The following GBE1 variants were observed in gnomAD, a reference collection of about 807,000 sequenced individuals.
GBE1 encodes 1,4-alpha-glucan branching enzyme 1.
A neutral mutation model predicts 88.8 loss-of-function variants in GBE1; 70 were observed. That is an observed-to-expected ratio of 0.79 (90% CI 0.65 to 0.96). The LOEUF (loss-of-function observed/expected upper bound fraction) is 0.96. Among genes scored for constraint, GBE1 ranks in the 40% least tolerant of loss-of-function variants. GBE1 has a pLI of 0.00. For synonymous variants in GBE1, 284 were observed against 300.1 expected (o/e 0.95, Z 0.56); for missense variants, 872 against 871.0 (o/e 1.00, Z -0.01).
intron 15 of GBE1, 100 bp downstream of exon 15, chr3:81,499,010 C>T: frequency 5.7e-6 from 4 of 707,262 alleles, no homozygotes; most frequent in Admixed American, 2.6e-5. Context: ...TGCTTTTTTT[C>T]CATGTTGCTT....
intron 7 of GBE1, among the ~76,000 whole-genome samples, chr3:81,601,244 G>T (rs1704029237): frequency 6.6e-6 from 1 of 152,062 alleles, no homozygotes; most frequent in African/African-American, 2.4e-5. Context: ...GCTGTGAAAT[G>T]ATATTTTATG....
intron 6 of GBE1, among the ~76,000 whole-genome samples, chr3:81,645,143 T>G (rs527510126): frequency 4.6e-5 from 7 of 152,310 alleles, no homozygotes; most frequent in Middle Eastern, 6.8e-3. Flanking sequence ...AGTTAACATA[T>G]AGCATATATT....
In GBE1 at chr3:81,537,634, C is replaced by T. The variant is rs139831008; in HGVS notation, c.1619-539G>A. On this transcript the variant is annotated intron_variant, in intron 12 of 15. Transcript: ENST00000429644. ...AAGCAACCATTAAAATTGAGTTCCT[C>T]TCATTAAAATCCAGTTTTTCCTACC... Among the ~76,000 whole-genome samples the T allele has an allele frequency of 8.4e-3, 1,285 of 152,124 alleles. 11 individuals carry two copies. The highest frequency in any genetic ancestry group is 0.014 in the Non-Finnish European group (939 of 67,966).
At chr3:81,705,316 T>C (rs1229904150) in intron 2 of GBE1, 128 bp downstream of exon 2, 1 of 675,100 alleles carries the variant, frequency 1.5e-6, no homozygotes, top group Non-Finnish European at 2.3e-6. Flanking sequence ...TAAGGCTCTA[T>C]CTGAAAAGTC....
intron 12 of GBE1, among the ~76,000 whole-genome samples, chr3:81,558,256 T>TA (rs1703374079): frequency 6.6e-6 from 1 of 152,018 alleles, no homozygotes; most frequent in Non-Finnish European, 1.5e-5. Context: ...AAATGAGTAT[T>TA]AAAATCATGG....
intron 14 of GBE1, among the ~76,000 whole-genome samples, chr3:81,525,585 T>C (rs1234452498): frequency 1.3e-5 from 2 of 152,124 alleles, no homozygotes; most frequent in Non-Finnish European, 2.9e-5. Context: ...TGTTATTGAT[T>C]GGAATAGTTT....
At chr3:81,664,207 T>C (rs1321066906) in intron 3 of GBE1, among the ~76,000 whole-genome samples, 2 of 152,132 alleles carry the variant, frequency 1.3e-5, no homozygotes, top group Non-Finnish European at 2.9e-5. Context: ...GTACTCTTTT[T>C]ATGAAAAATA....
intron 1 of GBE1, among the ~76,000 whole-genome samples, chr3:81,745,816 T>C (rs568649881): frequency 1.3e-3 from 191 of 152,248 alleles, no homozygotes; most frequent in African/African-American, 4.3e-3. Context: ...ATATTATTCA[T>C]AAATTTTCTA....
Position 81,749,230 on chromosome 3 carries a change from T to C in GBE1, c.143+12145A>G, listed in dbSNP as rs1019809581. ...TCAACAGGTTAATAAACAAACTGGA[T>C]GGATGGTACATCCATACAATGGAAT... On this transcript the variant is annotated intron_variant, in intron 1 of 15. Transcript: ENST00000429644. Among the ~76,000 whole-genome samples, 3 of 151,918 alleles carry C rather than the reference T, an allele frequency of 2.0e-5. No homozygotes were observed. In the East Asian group the frequency reaches 5.8e-4, roughly 29 times the overall value.
chr3:81,675,871 C>A (rs1422158971), intron 2 of GBE1, among the ~76,000 whole-genome samples: 1 of 151,964 alleles, frequency 6.6e-6, no homozygotes, highest in African/African-American at 2.4e-5. Flanking sequence ...TGATACAGTT[C>A]TCTGTTTTAA....
chr3:81,646,568 C>T, intron 5 of GBE1, 86 bp from the exon 6 acceptor site: 1 of 730,786 alleles, frequency 1.4e-6, no homozygotes. Flanking sequence ...ATTCCAAATA[C>T]ATTAAAATTT....
At chr3:81,554,480 A>C (rs1703319993) in intron 12 of GBE1, among the ~76,000 whole-genome samples, 1 of 152,212 alleles carries the variant, frequency 6.6e-6, no homozygotes. Context: ...TTAGTAGTGA[A>C]GACAGACTGT....
intron 13 of GBE1, among the ~76,000 whole-genome samples, chr3:81,536,324 GC>G (rs1412569245): frequency 6.6e-6 from 1 of 151,714 alleles, no homozygotes; most frequent in African/African-American, 2.4e-5. Context: ...GTTAACTTTT[GC>G]CAGGAAAAAA....
intron 7 of GBE1, among the ~76,000 whole-genome samples, chr3:81,604,284 T>C (rs1704073891): frequency 9.9e-6 from 1 of 101,442 alleles, no homozygotes; most frequent in East Asian, 4.6e-4. Context: ...TTTTCTTTCT[T>C]TCTTTTTTTT....
chr3:81,531,693 T>G (rs2106864245), intron 14 of GBE1, among the ~76,000 whole-genome samples: 1 of 152,122 alleles, frequency 6.6e-6, no homozygotes, highest in Admixed American at 6.5e-5. Flanking sequence ...GCTGAGCTGG[T>G]ATCCGAGTTA....
At chr3:81,747,895 G>A (rs987521286) in intron 1 of GBE1, among the ~76,000 whole-genome samples, 1 of 151,836 alleles carries the variant, frequency 6.6e-6, no homozygotes, top group Non-Finnish European at 1.5e-5. Flanking sequence ...CTCTCTTTTC[G>A]GACTCAGCCC....
chr3:81,707,274 T>C (rs1344271212), intron 1 of GBE1, among the ~76,000 whole-genome samples: 3 of 151,852 alleles, frequency 2.0e-5, no homozygotes, highest in Non-Finnish European at 2.9e-5. Flanking sequence ...TAAAGCCAAC[T>C]CCACACAATT....
chr3:81,706,043 T>C (rs1249048903), intron 1 of GBE1, among the ~76,000 whole-genome samples: 2 of 152,138 alleles, frequency 1.3e-5, no homozygotes, highest in Non-Finnish European at 2.9e-5. Flanking sequence ...TGGCAAACTT[T>C]TCCTGTAAAG....
rs201029706 is a variant in GBE1, at chr3:81,536,926, C to T, written c.1788G>A (p.Trp596Ter). ...AAGAGCTTACCTGTGGAGCTGCAAGCCAACCATATCTTTCTTCCAATCTAT... is the reference window on the plus strand; with the variant it reads ...AAGAGCTTACCTGTGGAGCTGCAAGTCAACCATATCTTTCTTCCAATCTAT... ...DMNRLEERYG[W>*]LAAPQAYVSE... is the part of the protein sequence containing the mutation. Residue 596 changes from tryptophan (W) to a stop codon, truncating the protein, a stop_gained, in exon 13 of 16, where the codon TGG (tryptophan) becomes TGA (stop). Transcript: ENST00000429644. LOFTEE classifies it high-confidence loss of function. 1.2e-5 allele frequency: 19 copies of T among 1,585,900 alleles called. No individual in the cohort carries two copies. The highest frequency in any genetic ancestry group is 1.5e-5 in the Non-Finnish European group (18 of 1,168,286).
Sources: gnomAD v4.1 joint callset for allele counts (sites outside exome capture counted in the v4.1 genomes callset) on GRCh38, gnomAD v4.1.1 for gene constraint, MANE v1.5 for transcripts, NCBI Gene and HGNC (gene_info 2026-07-23, HGNC 2026-07-21) for gene names.